The following PDK2 variants were observed in gnomAD, a reference collection of about 807,000 sequenced individuals.
The protein encoded by PDK2 is pyruvate dehydrogenase kinase, isozyme 2.
Under a neutral mutation model 50.4 loss-of-function variants are expected in PDK2, and 34 were observed. That is an observed-to-expected ratio of 0.68 (90% confidence interval 0.51 to 0.90). PDK2 has a LOEUF of 0.90. PDK2 is among the 40% of genes least tolerant of loss of function. PDK2 has a pLI of 0.00. For missense variants in PDK2, 377 were observed against 544.5 expected (o/e 0.69, Z 3.06); for synonymous variants, 232 against 216.0 (o/e 1.07, Z -0.65).
chr17:50,112,059 C>G lies in PDK2; in HGVS notation c.*1962C>G, dbSNP rs550084268. On this transcript the variant is annotated 3_prime_UTR_variant, in exon 11 of 11. Transcript: ENST00000503176. ...TGGTGTCCTCTGTCCCTATCAGTTC[C>G]TGTTTGCTCAGCTCCCAAAGAGGAC... 2.6e-5 allele frequency: 4 copies of G among 152,352 alleles called. No individual in the cohort carries two copies. The highest frequency in any genetic ancestry group is 9.6e-5 in the African/African-American group (4 of 41,534). 9.4% of individuals were successfully genotyped at this position (152,352 alleles called of 1,614,324 possible).
chr17:50,095,664 G>C, intron 1 of PDK2, 111 bp downstream of exon 1: 1 of 1,484,818 alleles, frequency 6.7e-7, no homozygotes, highest in Non-Finnish European at 9.0e-7. Context: ...ACAGAGAAGG[G>C]TTGTTTGGAA....
In PDK2 at chr17:50,100,421, T is replaced by G. The variant is rs1910165805; in HGVS notation, c.260+2857T>G. On this transcript the variant is annotated intron_variant, in intron 2 of 10. Transcript: ENST00000503176. ...CATCCTGGGCAAGCCACATGGCATC[T>G]CTGAGCCTCAGCTTCCTCATGTGTA... 2.0e-5 allele frequency among the ~76,000 whole-genome samples: 3 copies of G among 152,224 alleles called. No individual in the cohort carries two copies. The South Asian group carries it at 6.2e-4, about 32-fold the overall frequency.
intron 2 of PDK2, among the ~76,000 whole-genome samples, chr17:50,102,201 C>G (rs902018413): frequency 6.6e-6 from 1 of 152,232 alleles, no homozygotes; most frequent in Admixed American, 6.5e-5. Flanking sequence ...CGGGGAAAAT[C>G]CTCATCCTCT....
upstream of PDK2, chr17:50,094,758 CT>C (rs1218556810): frequency 1.3e-5 from 2 of 152,186 alleles, no homozygotes; most frequent in African/African-American, 4.8e-5. Flanking sequence ...CCGCTTGGAT[CT>C]TTGTGGAAGC....
intron 2 of PDK2, among the ~76,000 whole-genome samples, chr17:50,099,359 G>A (rs956795816): frequency 3.3e-5 from 5 of 152,184 alleles, no homozygotes; most frequent in Admixed American, 6.5e-5. Flanking sequence ...TCCCCCAGGG[G>A]CCCCTGCAGA....
In PDK2 at chr17:50,110,764, G is replaced by A. The variant is rs1355840373; in HGVS notation, c.*667G>A. The A allele has an allele frequency of 6.6e-6, 1 of 152,218 alleles. No homozygotes were observed. Among genetic ancestry groups the A allele is most frequent in the Non-Finnish European group, 1.5e-5 (1 of 68,060 alleles). The allele number at this position is 152,218 out of a possible 1,614,324, so 9.4% of individuals were successfully genotyped here. On this transcript the variant is annotated 3_prime_UTR_variant, in exon 11 of 11. Coordinates refer to ENST00000503176, the MANE Select transcript of PDK2 (RefSeq NM_002611.5). ...GAGGCCCTGCAGTGGCCTTGGCAAT[G>A]TCTGTGCCACCTCCTGAGCCCTCCC...
At position 50,108,174 on chromosome 17, in the gene PDK2, C is replaced by G. The variant is rs373945942; in HGVS notation, c.704C>G (p.Pro235Arg). 3.1e-6 allele frequency: 5 copies of G among 1,595,518 alleles called. No homozygotes were observed. Among genetic ancestry groups the G allele is most frequent in the Non-Finnish European group, 4.3e-6 (5 of 1,169,628 alleles). Residue 235 changes from proline (P) to arginine (R), a missense_variant, in exon 7 of 11, where the codon CCG becomes CGG. Physicochemically the swap from Pro to Arg is moderately radical, Grantham distance 103. Coordinates refer to ENST00000503176, the MANE Select transcript of PDK2 (RefSeq NM_002611.5). The part of the protein sequence containing the change: ...QEINAANSKQ[P>R]IHMVYVPSHL... ...CCTGTAGCAGCCAACTCCAAACAGC[C>G]GATTCACATGGTCTACGTCCCCTCC...
chr17:50,103,640 A>G (rs1910347011), intron 2 of PDK2, among the ~76,000 whole-genome samples: 1 of 152,220 alleles, frequency 6.6e-6, no homozygotes, highest in Admixed American at 6.5e-5. Context: ...AAGTGCTTAA[A>G]GAGCCAGGTC....
At position 50,107,148 on chromosome 17, in the gene PDK2, T is replaced by G; in HGVS notation, c.680T>G (p.Ile227Ser). 1 of 1,613,508 alleles carries G rather than the reference T, an allele frequency of 6.2e-7. No individual in the cohort carries two copies. The change falls in exon 6 of 11, where the codon ATC becomes AGC. Residue 227 changes from isoleucine to serine, a missense_variant. Around this residue, in one of 3 missense-constraint regions of PDK2, gnomAD observed 214 missense variants for 294.0 expected, o/e 0.73. Coordinates refer to ENST00000503176, the MANE Select transcript of PDK2 (RefSeq NM_002611.5). Reference sequence around the variant, plus strand: ...TCACCTGACCTGGAGATCCAGGAGATCAATGGTGAGTGAGCGGGGCTGTGT... The same window carrying G: ...TCACCTGACCTGGAGATCCAGGAGAGCAATGGTGAGTGAGCGGGGCTGTGT... ...MASPDLEIQE[I>S]NAANSKQPIH...
rs1910816496 is a variant in PDK2, at chr17:50,111,147, C to T, written c.*1050C>T. 1 of 152,326 alleles carries T rather than the reference C, an allele frequency of 6.6e-6. No individual in the cohort carries two copies. Among genetic ancestry groups the T allele is most frequent in the African/African-American group, 2.4e-5 (1 of 41,458 alleles). The allele number at this position is 152,326 out of a possible 1,614,324, so 9.4% of individuals were successfully genotyped here. On this transcript the variant is annotated 3_prime_UTR_variant, in exon 11 of 11. Transcript: ENST00000503176. ...GGTGCCCTGTGACCACCACATGACGCACCGGGGACGTCCGGCCCAGCTCAG... is the reference window on the plus strand; with the variant it reads ...GGTGCCCTGTGACCACCACATGACGTACCGGGGACGTCCGGCCCAGCTCAG...
chr17:50,095,948 C>A, intron 1 of PDK2: 1 of 496,932 alleles, frequency 2.0e-6, no homozygotes, highest in Non-Finnish European at 2.7e-6. Context: ...CGGGGGTCTG[C>A]TGGTGGGAGT....
Position 50,109,823 on chromosome 17 carries a change from G to A in PDK2, c.1084-134G>A. 1.0e-6 allele frequency: 1 copy of A among 992,032 alleles called. No individual in the cohort carries two copies. The highest frequency in any genetic ancestry group is 2.7e-5 in the East Asian group (1 of 36,534). The allele number at this position is 992,032 out of a possible 1,614,324, so 61.5% of individuals were successfully genotyped here. A position where few individuals can be genotyped will look rare whatever the true frequency, so the allele number is the denominator to read the frequency against. On this transcript the variant is annotated intron_variant, in intron 10 of 10. Transcript: ENST00000503176. This position sits in a 1 kb window ranked among gnomAD's most constrained non-coding sequence, Gnocchi z 5.0. ...GAATGGGCAGGAGCGGGACACAGGA[G>A]GGACCACCCTTTTGTGGTCTTTCCA...
At chr17:50,102,654 T>C (rs1044159768) in intron 2 of PDK2, among the ~76,000 whole-genome samples, 4 of 152,176 alleles carry the variant, frequency 2.6e-5, no homozygotes, top group African/African-American at 9.7e-5. Flanking sequence ...CTATTTTGGG[T>C]GCGTTTAGGG....
chr17:50,098,593 AG>A (rs1266455212), intron 2 of PDK2: 1 of 152,226 alleles, frequency 6.6e-6, no homozygotes, highest in Non-Finnish European at 1.5e-5. Context: ...AATGCACAAT[AG>A]TAGATAGAAG....
intron 1 of PDK2, chr17:50,096,107 C>CT: frequency 2.0e-6 from 2 of 986,200 alleles, no homozygotes; most frequent in Non-Finnish European, 2.4e-6. Flanking sequence ...AGACAGTGCC[C>CT]TGACTGGTAG....
chr17:50,108,614 G>A lies in PDK2; in HGVS notation c.864G>A (p.Met288Ile), dbSNP rs368388043. The change falls in exon 9 of 11, where the codon ATG becomes ATA. Residue 288 changes from methionine (M) to isoleucine (I), a missense_variant and splice_region_variant. This residue lies in a region of PDK2 where 214 missense variants were observed against 294.0 expected (regional missense o/e 0.73). Coordinates refer to ENST00000503176, the MANE Select transcript of PDK2 (RefSeq NM_002611.5). ...ALGEEDLSIK[M>I]SDRGGGVPLR... ...CTGACACATCCCATCTCTCCCAGAT[G>A]AGTGACCGAGGTGGGGGTGTTCCCT... 6.2e-7 allele frequency: 1 copy of A among 1,609,516 alleles called. No individual in the cohort carries two copies. The highest frequency in any genetic ancestry group is 1.7e-5 in the Admixed American group (1 of 59,530).
At chr17:50,105,067 C>T (rs1366480683) in intron 2 of PDK2, among the ~76,000 whole-genome samples, 1 of 152,222 alleles carries the variant, frequency 6.6e-6, no homozygotes, top group Non-Finnish European at 1.5e-5. Flanking sequence ...GTCTCCTGAT[C>T]TGTGAGTCCT....
At chr17:50,104,045 C>A (rs369924268) in intron 2 of PDK2, among the ~76,000 whole-genome samples, 1 of 152,162 alleles carries the variant, frequency 6.6e-6, no homozygotes, top group African/African-American at 2.4e-5. Flanking sequence ...TAGCGCCCCC[C>A]CTTCCTCCTG....
intron 2 of PDK2, among the ~76,000 whole-genome samples, chr17:50,102,747 A>G (rs1171666170): frequency 1.3e-5 from 2 of 152,246 alleles, no homozygotes; most frequent in African/African-American, 2.4e-5. Flanking sequence ...AAATGGGTCC[A>G]GCAGTAGCGC....
Sources: gnomAD v4.1 joint callset for allele counts (sites outside exome capture counted in the v4.1 genomes callset) on GRCh38, gnomAD v4.1.1 for gene constraint, gnomAD v4.1.1 regional missense constraint, Gnocchi (gnomAD v3.1) non-coding constraint, MANE v1.5 for transcripts, NCBI Gene and HGNC (gene_info 2026-07-23, HGNC 2026-07-21) for gene names.